G3BP2: variants seen among roughly 807,000 people sequenced by gnomAD.
G3BP2 encodes G3BP stress granule assembly factor 2.
Under a neutral mutation model 56.7 loss-of-function variants are expected in G3BP2, and 11 were observed. The ratio of observed to expected loss-of-function variants is 0.19; its 90% CI spans 0.12 to 0.32. The LOEUF is 0.32. G3BP2 is among the 10% of genes least tolerant of loss of function. The probability of loss-of-function intolerance (pLI) is 1.00; values close to 1 mark genes in which losing one functional copy is unlikely to be tolerated. For missense variants in G3BP2, 340 were observed against 610.9 expected (o/e 0.56, Z 4.67); for synonymous variants, 165 against 191.6 (o/e 0.86, Z 1.15).
At chr4:75,709,265 CAAAAATT>C (rs1719663013) in intron 3 of G3BP2, among the ~76,000 whole-genome samples, 1 of 151,800 alleles carries the variant, frequency 6.6e-6, no homozygotes, top group Admixed American at 6.6e-5. Flanking sequence ...ACTAAAAATA[CAAAAATT>C]AGCCAGGTGC....
chr4:75,706,618 G>A (rs904336168), intron 3 of G3BP2, among the ~76,000 whole-genome samples: 5 of 151,324 alleles, frequency 3.3e-5, no homozygotes, highest in African/African-American at 9.7e-5. Flanking sequence ...CAGAGGTTGC[G>A]GTGAGCCGAG....
upstream of G3BP2, among the ~76,000 whole-genome samples, chr4:75,674,720 T>TATATATATATATATATC (rs33996257): frequency 1.8e-5 from 1 of 54,656 alleles, no homozygotes; most frequent in African/African-American, 7.4e-5. Context: ...ATATATATAT[T>TATATATATATATATATC]TTTTTTTTTT....
chr4:75,698,823 G>A (rs1719222770), intron 3 of G3BP2, among the ~76,000 whole-genome samples: 1 of 152,084 alleles, frequency 6.6e-6, no homozygotes. Context: ...AGCCACCCAA[G>A]GCGCTAGGAC....
At chr4:75,694,732 C>G in intron 3 of G3BP2, 2 of 973,032 alleles carry the variant, frequency 2.1e-6, no homozygotes, top group Non-Finnish European at 1.2e-6. Context: ...GAGCGAGACT[C>G]TGTCTCGAAA....
rs548893827 is a variant in G3BP2 at position 75,661,940 on chromosome 4, T to C, written c.86A>G (p.Tyr29Cys). The C allele has an allele frequency of 6.5e-7, 1 of 1,538,320 alleles. No individual in the cohort carries two copies. The highest frequency in any genetic ancestry group is 1.1e-5 in the South Asian group (1 of 89,166). The change falls in exon 2 of 12, where the codon TAT becomes TGT. Residue 29 changes from tyrosine to cysteine, a missense_variant. Coordinates refer to ENST00000359707, the MANE Select transcript of G3BP2 (RefSeq NM_203505.3). ...YYTLLNKAPE[Y>C]LHRFYGRNSS... ...TTTGTTTAAAATTTACCTGTGTAAA[T>C]ATTCCGGAGCTTTATTCAGCAAAGT... is the stretch of plus-strand genomic sequence containing the variant.
At chr4:75,669,950 C>G (rs576577950) in intron 1 of G3BP2, among the ~76,000 whole-genome samples, 8 of 152,280 alleles carry the variant, frequency 5.3e-5, no homozygotes, top group Admixed American at 6.5e-5. Context: ...AAAAGTTAGC[C>G]GTGTGCAGTG....
chr4:75,713,021 TAAAC>T (rs1719813078), intron 3 of G3BP2, among the ~76,000 whole-genome samples: 1 of 151,980 alleles, frequency 6.6e-6, no homozygotes, highest in African/African-American at 2.4e-5. Flanking sequence ...ACAAAACAAA[TAAAC>T]AAAACCCTAT....
chr4:75,676,089 C>A, upstream of G3BP2, among the ~76,000 whole-genome samples: 1 of 152,120 alleles, frequency 6.6e-6, no homozygotes, highest in East Asian at 1.9e-4. Context: ...TTCTAACTGG[C>A]GATTTTTACC....
At chr4:75,656,077 G>A (rs1374815389) in intron 5 of G3BP2, among the ~76,000 whole-genome samples, 3 of 149,512 alleles carry the variant, frequency 2.0e-5, no homozygotes, top group East Asian at 3.9e-4. Context: ...TGCAACCTCC[G>A]CCTTCTGGGT....
chr4:75,676,205 A>G (rs971487932), upstream of G3BP2, among the ~76,000 whole-genome samples: 1 of 152,174 alleles, frequency 6.6e-6, no homozygotes, highest in Non-Finnish European at 1.5e-5. Context: ...CCTCTCAAAC[A>G]TAGCCTCCAT....
chr4:75,678,297 TGTGTGTG>T (rs1182009019), upstream of G3BP2, among the ~76,000 whole-genome samples: 1 of 3,642 alleles, frequency 2.7e-4, no homozygotes, highest in African/African-American at 2.0e-3. Flanking sequence ...GTGCCTAGCT[TGTGTGTG>T]TGTGTGTGTG....
At chr4:75,674,718 A>ATATATATATATATTT (rs1241041465), upstream of G3BP2, among the ~76,000 whole-genome samples, 2 of 71,432 alleles carry the variant, frequency 2.8e-5, no homozygotes, top group African/African-American at 1.2e-4. Context: ...ATATATATAT[A>ATATATATATATATTT]TTTTTTTTTT....
intron 9 of G3BP2, among the ~76,000 whole-genome samples, chr4:75,647,961 A>C (rs757690148): frequency 6.6e-6 from 1 of 152,218 alleles, no homozygotes; most frequent in Non-Finnish European, 1.5e-5. Flanking sequence ...CAACTTACTT[A>C]ATACCTAAGA....
intron 3 of G3BP2, among the ~76,000 whole-genome samples, chr4:75,706,292 C>T (rs1212678993): frequency 6.6e-6 from 1 of 152,186 alleles, no homozygotes; most frequent in Admixed American, 6.5e-5. Flanking sequence ...GTTGACCAGG[C>T]TGTCTTTAAG....
chr4:75,673,338 C>T lies in G3BP2; in HGVS notation c.-155G>A, dbSNP rs2149050541. 2 of 1,230,954 alleles carry T rather than the reference C, an allele frequency of 1.6e-6. No individual in the cohort carries two copies. The highest frequency in any genetic ancestry group is 1.6e-5 in the African/African-American group (1 of 64,516). The allele number at this position is 1,230,954 out of a possible 1,614,324, so 76.3% of individuals were successfully genotyped here. On this transcript the variant is annotated 5_prime_UTR_variant, in exon 1 of 12. Coordinates refer to ENST00000359707, the MANE Select transcript of G3BP2 (RefSeq NM_203505.3). ...TCGGAAGCCTCGGAAGCCGGAGAGC[C>T]GCGAGTTCGTCTGCCTCACAACCAC...
At chr4:75,691,182 C>A (rs1718841505) in intron 3 of G3BP2, among the ~76,000 whole-genome samples, 1 of 151,962 alleles carries the variant, frequency 6.6e-6, no homozygotes, top group Non-Finnish European at 1.5e-5. Flanking sequence ...CAGGTTCAAG[C>A]GATTCTCCTG....
intron 3 of G3BP2, among the ~76,000 whole-genome samples, chr4:75,694,531 T>C (rs977221256): frequency 6.6e-6 from 1 of 152,270 alleles, no homozygotes; most frequent in Admixed American, 6.5e-5. Context: ...GCGAACCCGG[T>C]AGGCGGAGCT....
At position 75,673,196 on chromosome 4, in the gene G3BP2, G is replaced by A. The variant is rs775903225; in HGVS notation, c.-25+12C>T. 3.8e-5 allele frequency: 46 copies of A among 1,200,324 alleles called. No individual in the cohort carries two copies. Among genetic ancestry groups the A allele is most frequent in the Non-Finnish European group, 4.4e-5 (43 of 968,170 alleles). 74.4% of individuals were successfully genotyped at this position (1,200,324 alleles called of 1,614,324 possible). A position where few individuals can be genotyped will look rare whatever the true frequency, so the allele number is the denominator to read the frequency against. ...CACCACACCGACCTCCCCTCCCGGC[G>A]CCCGTACACACCTCCAGCCAACGGC... On this transcript the variant is annotated intron_variant, in intron 1 of 11. Transcript: ENST00000359707.
chr4:75,665,670 C>A (rs889929536), intron 1 of G3BP2, among the ~76,000 whole-genome samples: 2 of 151,470 alleles, frequency 1.3e-5, no homozygotes, highest in Non-Finnish European at 2.9e-5. Context: ...CACACACACA[C>A]ACACACACAC....
Sources: allele counts gnomAD v4.1 joint callset (sites outside exome capture counted in the v4.1 genomes callset), GRCh38; gene constraint gnomAD v4.1.1; transcripts MANE v1.5; gene names NCBI Gene and HGNC (gene_info 2026-07-23, HGNC 2026-07-21).